Variants in KAZN observed in about 807,000 individuals in gnomAD.
KAZN encodes the protein kazrin, periplakin interacting protein.
Under a neutral mutation model 87.4 loss-of-function variants are expected in KAZN, and 40 were observed. The observed-to-expected ratio is 0.46, with a 90% CI of 0.36 to 0.60. The LOEUF (loss-of-function observed/expected upper bound fraction) is 0.60, where lower values mean the gene tolerates loss of function less well. Ranked by LOEUF, KAZN falls within the 20% of genes least tolerant of loss-of-function variation. The pLI is 0.00. For synonymous variants in KAZN, 466 were observed against 458.3 expected (o/e 1.02, Z -0.22); for missense variants, 898 against 1,073.9 (o/e 0.84, Z 2.29).
intron 1 of KAZN, among the ~76,000 whole-genome samples, chr1:14,601,657 C>T (rs1277555099): frequency 1.3e-5 from 2 of 152,162 alleles, no homozygotes; most frequent in Non-Finnish European, 2.9e-5. Context: ...AATACACCTC[C>T]AGGGAGGCTC....
intron 2 of KAZN, among the ~76,000 whole-genome samples, chr1:14,246,960 A>G (rs181733227): frequency 1.3e-5 from 2 of 152,182 alleles, no homozygotes; most frequent in East Asian, 3.9e-4. Flanking sequence ...ATGCCGAATT[A>G]TTTTCCAAAG....
intron 2 of KAZN, among the ~76,000 whole-genome samples, chr1:14,406,178 T>C (rs760963291): frequency 3.9e-5 from 6 of 152,192 alleles, no homozygotes; most frequent in Non-Finnish European, 7.3e-5. Flanking sequence ...TTTTTTCACA[T>C]TGCGTGCCCG....
chr1:14,572,781 A>T (rs1674950143), intron 2 of KAZN, among the ~76,000 whole-genome samples: 1 of 152,144 alleles, frequency 6.6e-6, no homozygotes, highest in South Asian at 2.1e-4. Flanking sequence ...AAGAATCAGA[A>T]ATGTGGAGGA....
At chr1:14,407,441 TG>T (rs951555060) in intron 2 of KAZN, among the ~76,000 whole-genome samples, 1 of 151,988 alleles carries the variant, frequency 6.6e-6, no homozygotes, top group African/African-American at 2.4e-5. Context: ...TGGTGGTAAA[TG>T]GGGGGAAAAA....
intron 2 of KAZN, among the ~76,000 whole-genome samples, chr1:14,274,180 C>A (rs187950926): frequency 6.6e-6 from 1 of 152,124 alleles, no homozygotes; most frequent in Non-Finnish European, 1.5e-5. Flanking sequence ...TATTTTTGTA[C>A]GTGAAAAATG....
At chr1:15,103,318 G>A (rs1203096212) in intron 11 of KAZN, 41 bp from the exon 12 acceptor site, 2 of 1,473,758 alleles carry the variant, frequency 1.4e-6, no homozygotes, top group Non-Finnish European at 1.9e-6. Context: ...GCCTCTGCGT[G>A]TCCCCTTGTC....
At chr1:14,591,171 G>GC (rs75552123) in intron 2 of KAZN, among the ~76,000 whole-genome samples, 2,218 of 147,150 alleles carry the variant, frequency 0.015, 23 homozygotes, top group African/African-American at 0.032. Context: ...ATCAAATAGT[G>GC]CCCCCCCCCC....
intron 1 of KAZN, among the ~76,000 whole-genome samples, chr1:14,007,288 G>T (rs1640078918): frequency 6.6e-6 from 1 of 152,130 alleles, no homozygotes; most frequent in African/African-American, 2.4e-5. Context: ...TGCAAACAGG[G>T]ATAATTTGAC....
intron 1 of KAZN, among the ~76,000 whole-genome samples, chr1:14,662,311 G>A (rs781447132): frequency 1.3e-5 from 2 of 152,148 alleles, no homozygotes; most frequent in African/African-American, 2.4e-5. Flanking sequence ...CCGCAGTGTC[G>A]GGGAAGTGGG....
At chr1:14,643,212 A>G (rs1298831440) in intron 1 of KAZN, among the ~76,000 whole-genome samples, 3 of 152,202 alleles carry the variant, frequency 2.0e-5, no homozygotes, top group Non-Finnish European at 1.5e-5. Flanking sequence ...AAGGTTTGGT[A>G]TATAGGTAAA....
chr1:14,957,300 G>T (rs13374610), intron 1 of KAZN, among the ~76,000 whole-genome samples: 12,967 of 152,226 alleles, frequency 0.085, 1,792 homozygotes, highest in African/African-American at 0.29. Flanking sequence ...CCTGAGAGTG[G>T]GGCCTGTCTG....
chr1:15,082,918 G>A (rs1041291986), intron 8 of KAZN, among the ~76,000 whole-genome samples: 1 of 152,154 alleles, frequency 6.6e-6, no homozygotes, highest in Non-Finnish European at 1.5e-5. Flanking sequence ...TCGAACTCCT[G>A]ACTTCAATTG....
At chr1:14,908,574 T>A (rs939967994) in intron 1 of KAZN, among the ~76,000 whole-genome samples, 4 of 151,826 alleles carry the variant, frequency 2.6e-5, no homozygotes, top group Middle Eastern at 3.4e-3. Flanking sequence ...GAAGAAAAAT[T>A]ACCTGGGTGT....
chr1:15,106,325 A>C (rs895273882), intron 13 of KAZN, among the ~76,000 whole-genome samples: 1 of 152,168 alleles, frequency 6.6e-6, no homozygotes, highest in Admixed American at 6.5e-5. Flanking sequence ...AGGAGCCATG[A>C]ATCAAAAGAC....
intron 2 of KAZN, among the ~76,000 whole-genome samples, chr1:14,387,049 T>G (rs1661976197): frequency 6.6e-6 from 1 of 152,190 alleles, no homozygotes; most frequent in Non-Finnish European, 1.5e-5. Flanking sequence ...CCTTCTCGCT[T>G]CATTTCATTC....
At chr1:14,388,239 G>C (rs1427202658) in intron 2 of KAZN, among the ~76,000 whole-genome samples, 1 of 152,082 alleles carries the variant, frequency 6.6e-6, no homozygotes, top group South Asian at 2.1e-4. Flanking sequence ...AGATGAACCC[G>C]GTACCTCAGA....
chr1:14,244,126 C>CA (rs1308181321), intron 2 of KAZN, among the ~76,000 whole-genome samples: 2 of 152,086 alleles, frequency 1.3e-5, no homozygotes, highest in East Asian at 1.9e-4. Context: ...AACAAACAAA[C>CA]AAAAAACTCT....
chr1:14,717,653 TA>T (rs547242169), intron 1 of KAZN, among the ~76,000 whole-genome samples: 2 of 152,128 alleles, frequency 1.3e-5, no homozygotes, highest in Non-Finnish European at 2.9e-5. Context: ...TTAAGCCAAA[TA>T]AGGTTCCGAG....
intron 1 of KAZN, among the ~76,000 whole-genome samples, chr1:14,913,518 C>T (rs1572811653): frequency 6.6e-6 from 1 of 152,334 alleles, no homozygotes; most frequent in East Asian, 1.9e-4. Flanking sequence ...CCCATTGGGA[C>T]TAGGGGCCAT....
Sources: gnomAD v4.1 joint callset for allele counts (sites outside exome capture counted in the v4.1 genomes callset) on GRCh38, gnomAD v4.1.1 for gene constraint, MANE v1.5 for transcripts, NCBI Gene and HGNC (gene_info 2026-07-23, HGNC 2026-07-21) for gene names.